CEP112: variants seen among roughly 807,000 people sequenced by gnomAD.
The protein encoded by CEP112 is centrosomal protein 112.
CEP112 carries 127 observed loss-of-function variants against 153.0 expected under a neutral mutation model. The observed-to-expected ratio is 0.83, with a 90% confidence interval of 0.72 to 0.96. The LOEUF is 0.96. Ranked by LOEUF, CEP112 falls within the 40% of genes least tolerant of loss-of-function variation. CEP112 has a pLI of 0.00. For missense variants in CEP112, 1,089 were observed against 1,101.2 expected (o/e 0.99, Z 0.16); for synonymous variants, 358 against 374.4 (o/e 0.96, Z 0.51).
At chr17:65,765,272 G>T (rs2052887763) in intron 21 of CEP112, among the ~76,000 whole-genome samples, 1 of 147,424 alleles carries the variant, frequency 6.8e-6, no homozygotes. Context: ...ATTTTGAATT[G>T]CTTTACAAAC....
chr17:66,189,690 CA>C (rs1184937550), intron 1 of CEP112, among the ~76,000 whole-genome samples: 13 of 151,710 alleles, frequency 8.6e-5, no homozygotes, highest in Non-Finnish European at 7.4e-5. Flanking sequence ...GAAAAAGAAA[CA>C]AAAAAACTAA....
chr17:65,942,399 AT>A (rs888533408), intron 18 of CEP112, among the ~76,000 whole-genome samples: 6 of 151,200 alleles, frequency 4.0e-5, no homozygotes, highest in Middle Eastern at 3.4e-3. Context: ...ATAGGTGCTT[AT>A]TTTTTTTTCC....
At chr17:65,938,414 T>TAAAAAAAAAAAAAAAAA (rs1555722412) in intron 18 of CEP112, among the ~76,000 whole-genome samples, 1 of 52,902 alleles carries the variant, frequency 1.9e-5, no homozygotes, top group African/African-American at 7.4e-5. Context: ...GAATGATCAA[T>TAAAAAAAAAAAAAAAAA]AAAAAAAAAA....
At chr17:65,824,718 G>A (rs1451329743) in intron 21 of CEP112, among the ~76,000 whole-genome samples, 1 of 152,130 alleles carries the variant, frequency 6.6e-6, no homozygotes, top group Non-Finnish European at 1.5e-5. Context: ...GCCTATTTAT[G>A]GAAAACAGAG....
At position 65,795,582 on chromosome 17, in the gene CEP112, C is replaced by G. The variant is rs150051722; in HGVS notation, c.2395-44858G>C. 3.3e-3 allele frequency among the ~76,000 whole-genome samples: 508 copies of G among 152,240 alleles called. 2 individuals are homozygous for G. Among genetic ancestry groups the G allele is most frequent in the African/African-American group, 0.012 (497 of 41,550 alleles). ...ATTCCAGCAGTTCAGGAGGCTGAGG[C>G]AGGAGGATCACTTGAGGTCAGGAGT... On this transcript the variant is annotated intron_variant, in intron 21 of 26. Coordinates refer to ENST00000535342, the MANE Select transcript of CEP112 (RefSeq NM_001199165.4).
At chr17:65,932,163 G>A (rs1055312034) in intron 18 of CEP112, among the ~76,000 whole-genome samples, 8 of 152,158 alleles carry the variant, frequency 5.3e-5, no homozygotes, top group African/African-American at 1.2e-4. Context: ...ACAGGCAGCA[G>A]CCCCTCGTAA....
chr17:65,752,889 T>C (rs1004136524), intron 21 of CEP112, among the ~76,000 whole-genome samples: 1 of 152,198 alleles, frequency 6.6e-6, no homozygotes, highest in Non-Finnish European at 1.5e-5. Flanking sequence ...AAAAAATATA[T>C]AGTATAAAAA....
chr17:66,038,918 A>G (rs1329575878), intron 12 of CEP112, among the ~76,000 whole-genome samples: 1 of 152,168 alleles, frequency 6.6e-6, no homozygotes, highest in African/African-American at 2.4e-5. Flanking sequence ...TTGGCAGGTT[A>G]CTGGAAGAGT....
intron 21 of CEP112, among the ~76,000 whole-genome samples, chr17:65,844,841 C>T (rs1690283022): frequency 6.6e-6 from 1 of 151,588 alleles, no homozygotes; most frequent in African/African-American, 2.4e-5. Context: ...TGATGAAACC[C>T]CGTCTCTACT....
intron 21 of CEP112, among the ~76,000 whole-genome samples, chr17:65,793,577 T>TTC (rs553776130): frequency 5.3e-5 from 8 of 151,914 alleles, no homozygotes; most frequent in South Asian, 4.1e-4. Context: ...ATCTCACATA[T>TTC]TCTCTCTCTC....
intron 20 of CEP112, among the ~76,000 whole-genome samples, chr17:65,870,833 A>G (rs1421066989): frequency 6.6e-6 from 1 of 152,242 alleles, no homozygotes; most frequent in Non-Finnish European, 1.5e-5. Context: ...GAAGAATAAA[A>G]TTCAGGCTGA....
chr17:65,926,839 C>A (rs1003262566), intron 19 of CEP112, among the ~76,000 whole-genome samples: 3 of 152,170 alleles, frequency 2.0e-5, no homozygotes, highest in Admixed American at 6.5e-5. Flanking sequence ...TGTTGCTGTT[C>A]TCCCTCATGC....
chr17:65,959,918 T>C (rs1599150369), intron 18 of CEP112, among the ~76,000 whole-genome samples: 1 of 152,072 alleles, frequency 6.6e-6, no homozygotes, highest in Admixed American at 6.5e-5. Context: ...GCTGAGTGGG[T>C]GGAATGAGCC....
intron 23 of CEP112, among the ~76,000 whole-genome samples, chr17:65,696,093 C>A (rs904397564): frequency 3.3e-5 from 5 of 152,224 alleles, no homozygotes; most frequent in African/African-American, 1.2e-4. Context: ...GAGTGGACTG[C>A]AGAGACACAT....
At chr17:66,109,924 GC>G (rs2068949356) in intron 6 of CEP112, among the ~76,000 whole-genome samples, 1 of 152,202 alleles carries the variant, frequency 6.6e-6, no homozygotes, top group Non-Finnish European at 1.5e-5. Context: ...ACTTTGGGAG[GC>G]TGAGGCGAGC....
intron 21 of CEP112, among the ~76,000 whole-genome samples, chr17:65,800,979 G>A (rs1424191112): frequency 2.0e-5 from 3 of 152,068 alleles, no homozygotes; most frequent in African/African-American, 7.2e-5. Context: ...TTTTGTTGTT[G>A]ACTTGCAAAA....
chr17:65,809,853 G>C (rs548547517), intron 21 of CEP112, among the ~76,000 whole-genome samples: 28 of 127,388 alleles, frequency 2.2e-4, no homozygotes, highest in African/African-American at 7.6e-4. Flanking sequence ...TAAAGGAAGT[G>C]GGGGGGGGAA....
At chr17:66,038,115 G>GAAAAA (rs1568415942) in intron 12 of CEP112, among the ~76,000 whole-genome samples, 3 of 74,970 alleles carry the variant, frequency 4.0e-5, no homozygotes, top group African/African-American at 1.1e-4. Context: ...AAAAAAAAAA[G>GAAAAA]AAAAGAAAAG....
At chr17:66,168,554 T>G (rs1022218201) in intron 4 of CEP112, among the ~76,000 whole-genome samples, 1 of 151,710 alleles carries the variant, frequency 6.6e-6, no homozygotes, top group Non-Finnish European at 1.5e-5. Context: ...TGTGTATATA[T>G]ATATATATTT....
Sources: allele counts gnomAD v4.1 joint callset (sites outside exome capture counted in the v4.1 genomes callset), GRCh38; gene constraint gnomAD v4.1.1; transcripts MANE v1.5; gene names NCBI Gene and HGNC (gene_info 2026-07-23, HGNC 2026-07-21).